Variants in PDK1 observed in about 807,000 individuals in gnomAD.
PDK1 encodes [Pyruvate dehydrogenase (acetyl-transferring)] kinase isozyme 1, mitochondrial.
Under a neutral mutation model 54.2 loss-of-function variants are expected in PDK1, and 39 were observed. The ratio of observed to expected loss-of-function variants is 0.72; its 90% confidence interval spans 0.56 to 0.94. The LOEUF (loss-of-function observed/expected upper bound fraction) is 0.94. Ranked by LOEUF, PDK1 falls within the 40% of genes least tolerant of loss-of-function variation. The pLI is 0.00. For missense variants in PDK1, 552 were observed against 566.0 expected, an observed-to-expected ratio of 0.98 and a Z score of 0.25; for synonymous variants, 221 against 207.1, an observed-to-expected ratio of 1.07 and a Z score of -0.58.
At chr2:172,624,260 G>C in the PDK1 span, among the ~76,000 whole-genome samples, 4 of 152,102 alleles carry the variant, frequency 2.6e-5, no homozygotes, top group South Asian at 8.3e-4. Flanking sequence ...ACTAGAGCAG[G>C]AGTTCCCCAG....
chr2:172,677,369 C>G, the PDK1 span: 5 of 152,204 alleles, frequency 3.3e-5, no homozygotes, highest in Admixed American at 2.6e-4. Context: ...TTTGCTGAAG[C>G]CTTTCTTCCA....
chr2:172,574,784 C>T lies in PDK1; in HGVS notation c.945+3960C>T, dbSNP rs138095920. 5.2e-3 allele frequency among the ~76,000 whole-genome samples: 786 copies of T among 152,176 alleles called. 9 individuals carry two copies. The highest frequency in any genetic ancestry group is 0.017 in the African/African-American group (718 of 41,508). ...TTGTACTGATCTTGTATCCTGCATC[C>T]TTGCCAAATGTCTTTATTAGTGCTA... On this transcript the variant is annotated intron_variant, in intron 8 of 10. Coordinates refer to ENST00000282077, the MANE Select transcript of PDK1 (RefSeq NM_002610.5).
the PDK1 span, among the ~76,000 whole-genome samples, chr2:172,622,666 T>TTA: frequency 6.8e-6 from 1 of 146,544 alleles, no homozygotes; most frequent in Admixed American, 6.8e-5. Context: ...TGAGATATGT[T>TTA]TATATCTCAT....
Position 172,608,616 on chromosome 2 carries a change from C to G in PDK1, c.*12647C>G, listed in dbSNP as rs1407940347. ...TCTTTTATTTTTTTGAATTGTATCTCTCTCCTTATTCCATTTTCTTCTGTT... is the reference window on the plus strand; with the variant it reads ...TCTTTTATTTTTTTGAATTGTATCTGTCTCCTTATTCCATTTTCTTCTGTT... On this transcript the variant is annotated 3_prime_UTR_variant, in exon 11 of 11. Transcript: ENST00000282077. The G allele has an allele frequency of 6.6e-6, 1 of 152,064 alleles. No homozygotes were observed. Among genetic ancestry groups the G allele is most frequent in the Non-Finnish European group, 1.5e-5 (1 of 68,002 alleles). 9.4% of individuals were successfully genotyped at this position (152,064 alleles called of 1,614,324 possible). A position where few individuals can be genotyped will look rare whatever the true frequency, so the allele number is the denominator to read the frequency against.
chr2:172,572,023 G>A (rs566673102), intron 8 of PDK1, among the ~76,000 whole-genome samples: 1 of 151,550 alleles, frequency 6.6e-6, no homozygotes, highest in South Asian at 2.1e-4. Context: ...GTAGAGACAG[G>A]GTTTCACCAT....
At chr2:172,639,727 A>T in the PDK1 span, among the ~76,000 whole-genome samples, 4 of 152,102 alleles carry the variant, frequency 2.6e-5, no homozygotes, top group African/African-American at 9.7e-5. Flanking sequence ...TTTTTGAGGG[A>T]CGTTGGGTCA....
chr2:172,577,873 T>G (rs11897165), intron 8 of PDK1, among the ~76,000 whole-genome samples: 26,745 of 152,174 alleles, frequency 0.18, 2,817 homozygotes, highest in African/African-American at 0.28. Flanking sequence ...AAAAATATAC[T>G]CATATTTTCC....
rs775839107 is a variant in PDK1 at position 172,558,855 on chromosome 2, A to G, written c.338+6A>G. 2.6e-5 allele frequency: 42 copies of G among 1,606,840 alleles called. No individual in the cohort carries two copies. The East Asian group carries it at 9.2e-4, about 35-fold the overall frequency. On this transcript the variant is annotated splice_donor_region_variant and intron_variant, in intron 2 of 10. Coordinates refer to ENST00000282077, the MANE Select transcript of PDK1 (RefSeq NM_002610.5). The stretch of plus-strand genomic sequence containing the variant: ...GTTCAATTGGTACAAAGCTGGTAAG[A>G]TTCTCATCTTGTGTTTGCAATTTGA...
the PDK1 span, among the ~76,000 whole-genome samples, chr2:172,635,461 G>A: frequency 1.8e-3 from 276 of 152,142 alleles, 5 homozygotes; most frequent in African/African-American, 6.3e-3. Context: ...CATTACAGGC[G>A]CCTGCCACCA....
chr2:172,629,002 C>T, the PDK1 span, among the ~76,000 whole-genome samples: 1 of 152,094 alleles, frequency 6.6e-6, no homozygotes, highest in Admixed American at 6.6e-5. Context: ...TTAGTGCATG[C>T]CTGTGGTCCC....
rs1412856560 is a variant in PDK1, at chr2:172,608,669, A to G, written c.*12700A>G. 6.6e-6 allele frequency: 1 copy of G among 152,068 alleles called. No individual in the cohort carries two copies. The highest frequency in any genetic ancestry group is 1.5e-5 in the Non-Finnish European group (1 of 68,020). The allele number at this position is 152,068 out of a possible 1,614,324, so 9.4% of individuals were successfully genotyped here. On this transcript the variant is annotated 3_prime_UTR_variant, in exon 11 of 11. Coordinates refer to ENST00000282077, the MANE Select transcript of PDK1 (RefSeq NM_002610.5). ...ATTAAAATCCTGCATGTTCTCCTGC[A>G]TCATATGTCACTCATTTTTGTGTGA...
Position 172,568,772 on chromosome 2 carries a change from T to C in PDK1, c.801T>C (p.Val267=). 2 of 1,610,184 alleles carry C rather than the reference T, an allele frequency of 1.2e-6. No individual in the cohort carries two copies. Among genetic ancestry groups the C allele is most frequent in the Non-Finnish European group, 1.7e-6 (2 of 1,176,380 alleles). ...CACCAGGACAGCCAATACAAGTGGT[T>C]TATGTACCATCCCATCTCTATCACA... ...AKSPGQPIQV[V]YVPSHLYHMV... Residue 267 remains valine (V), a synonymous_variant, in exon 7 of 11, where the codon GTT becomes GTC. Coordinates refer to ENST00000282077, the MANE Select transcript of PDK1 (RefSeq NM_002610.5).
intron 9 of PDK1, 90 bp from the exon 10 acceptor site, chr2:172,592,845 C>T: frequency 1.5e-6 from 1 of 665,234 alleles, no homozygotes; most frequent in Non-Finnish European, 2.8e-6. Context: ...GCTCTGATAG[C>T]CCCGTGGTAC....
chr2:172,659,275 C>G, the PDK1 span, among the ~76,000 whole-genome samples: 1 of 152,196 alleles, frequency 6.6e-6, no homozygotes, highest in Non-Finnish European at 1.5e-5. Flanking sequence ...CACATCCAAA[C>G]TATAGCACAA....
At chr2:172,567,035 C>T (rs1160393695) in intron 6 of PDK1, 102 bp downstream of exon 6, 6 of 735,982 alleles carry the variant, frequency 8.2e-6, no homozygotes, top group South Asian at 3.7e-5. Flanking sequence ...TTATCAACTT[C>T]GTTGGATATG....
the PDK1 span, among the ~76,000 whole-genome samples, chr2:172,628,540 G>A: frequency 3.3e-5 from 5 of 152,044 alleles, no homozygotes; most frequent in East Asian, 9.6e-4. Flanking sequence ...CAAGAGTAAT[G>A]TGTTTGATAT....
At chr2:172,583,232 T>C (rs575909329) in intron 8 of PDK1, among the ~76,000 whole-genome samples, 1 of 150,746 alleles carries the variant, frequency 6.6e-6, no homozygotes, top group African/African-American at 2.4e-5. Context: ...TAAATTACTT[T>C]ACAGGGCCAA....
intron 2 of PDK1, among the ~76,000 whole-genome samples, chr2:172,559,236 C>T (rs1688526383): frequency 6.6e-6 from 1 of 152,124 alleles, no homozygotes; most frequent in African/African-American, 2.4e-5. Flanking sequence ...CGTGAGCCAC[C>T]GTGCCCGACC....
At chr2:172,699,920 G>A in the PDK1 span, among the ~76,000 whole-genome samples, 1 of 152,100 alleles carries the variant, frequency 6.6e-6, no homozygotes. Context: ...CGAACTGTTT[G>A]TGTCCCTGGG....
Sources: gnomAD v4.1 joint callset for allele counts (sites outside exome capture counted in the v4.1 genomes callset) on GRCh38, gnomAD v4.1.1 for gene constraint, MANE v1.5 for transcripts, NCBI Gene and HGNC (gene_info 2026-07-23, HGNC 2026-07-21) for gene names.